The following CACNA2D3 variants were observed in gnomAD, a reference collection of about 807,000 sequenced individuals.
The protein encoded by CACNA2D3 is calcium voltage-gated channel auxiliary subunit alpha2delta 3, also known as voltage-dependent calcium channel subunit alpha-2/delta-3.
CACNA2D3 carries 60 observed loss-of-function variants against 160.6 expected under a neutral mutation model. That is an observed-to-expected ratio of 0.37 (90% CI 0.30 to 0.46). The LOEUF is 0.46. CACNA2D3 is among the 20% of genes least tolerant of loss of function. The pLI is 1.00. For synonymous variants in CACNA2D3, 558 were observed against 492.9 expected (o/e 1.13, Z -1.75); for missense variants, 1,205 against 1,365.0 (o/e 0.88, Z 1.85).
At chr3:54,441,725 T>G (rs904673203) in intron 4 of CACNA2D3, among the ~76,000 whole-genome samples, 1 of 152,214 alleles carries the variant, frequency 6.6e-6, no homozygotes, top group African/African-American at 2.4e-5. Flanking sequence ...ACAAATGTGT[T>G]CTAGTTCAAT....
chr3:54,862,701 G>T (rs1184036997), intron 17 of CACNA2D3, among the ~76,000 whole-genome samples: 1 of 152,100 alleles, frequency 6.6e-6, no homozygotes, highest in Non-Finnish European at 1.5e-5. Flanking sequence ...TGGAAATGGG[G>T]TGACAGGATA....
chr3:54,515,415 AAGTT>A (rs1701535063), intron 5 of CACNA2D3, among the ~76,000 whole-genome samples: 2 of 152,220 alleles, frequency 1.3e-5, no homozygotes, highest in East Asian at 1.9e-4. Context: ...GCCCATCTAC[AAGTT>A]AGTTGTTCAG....
At chr3:55,042,317 G>C (rs1703974468) in intron 35 of CACNA2D3, among the ~76,000 whole-genome samples, 1 of 151,920 alleles carries the variant, frequency 6.6e-6, no homozygotes. Flanking sequence ...TCATTATTTT[G>C]AAATCCTGTT....
At chr3:54,941,488 TC>T (rs1442006414) in intron 27 of CACNA2D3, among the ~76,000 whole-genome samples, 1 of 152,150 alleles carries the variant, frequency 6.6e-6, no homozygotes, top group Non-Finnish European at 1.5e-5. Context: ...GTTTTCCCCC[TC>T]CATTCATTGT....
In CACNA2D3 at chr3:54,134,467, CG is replaced by C. The variant is rs1347079787; in HGVS notation, c.204+10874del. 3.3e-5 allele frequency among the ~76,000 whole-genome samples: 5 copies of C among 152,242 alleles called. No individual in the cohort carries two copies. In the East Asian group the frequency reaches 9.6e-4, roughly 29 times the overall value. ...ACAGATAAACAAAGGGAGGAATAGC[CG>C]CCCAGCCTTTTCCCTGTCCTTGCAT... On this transcript the variant is annotated intron_variant, in intron 2 of 37. Coordinates refer to ENST00000474759, the MANE Select transcript of CACNA2D3 (RefSeq NM_018398.3).
intron 2 of CACNA2D3, among the ~76,000 whole-genome samples, chr3:54,267,455 C>T (rs1197925101): frequency 1.3e-5 from 2 of 152,130 alleles, no homozygotes; most frequent in African/African-American, 4.8e-5. Context: ...ATTCTCTCTT[C>T]CAGTCACTGA....
At chr3:55,040,746 A>T (rs902068197) in intron 35 of CACNA2D3, among the ~76,000 whole-genome samples, 1 of 152,144 alleles carries the variant, frequency 6.6e-6, no homozygotes, top group Non-Finnish European at 1.5e-5. Flanking sequence ...ACAATTTCTT[A>T]TACAGGAGGG....
chr3:54,995,373 G>C (rs1362271659), intron 31 of CACNA2D3, among the ~76,000 whole-genome samples: 1 of 152,194 alleles, frequency 6.6e-6, no homozygotes. Context: ...ACGACTTAAA[G>C]AACATAAGAG....
At chr3:54,500,388 T>G (rs1003642847) in intron 4 of CACNA2D3, among the ~76,000 whole-genome samples, 1 of 152,176 alleles carries the variant, frequency 6.6e-6, no homozygotes, top group Non-Finnish European at 1.5e-5. Flanking sequence ...TATTCCATGC[T>G]CATTCAAGGT....
chr3:54,489,821 A>G (rs1297712807), intron 4 of CACNA2D3, among the ~76,000 whole-genome samples: 1 of 152,318 alleles, frequency 6.6e-6, no homozygotes, highest in Admixed American at 6.5e-5. Context: ...GAAGAGGGCT[A>G]TTCATTACCT....
intron 4 of CACNA2D3, among the ~76,000 whole-genome samples, chr3:54,483,778 T>C (rs893153634): frequency 1.3e-5 from 2 of 152,238 alleles, no homozygotes; most frequent in African/African-American, 4.8e-5. Context: ...CCTTGACTTA[T>C]GACTTCTCAT....
chr3:55,062,658 G>C (rs1022966763), intron 35 of CACNA2D3, among the ~76,000 whole-genome samples: 2 of 152,160 alleles, frequency 1.3e-5, no homozygotes, highest in Non-Finnish European at 1.5e-5. Context: ...TGTAGAATTG[G>C]AGGCGTCTGT....
At chr3:54,181,272 T>G (rs1700777810) in intron 2 of CACNA2D3, among the ~76,000 whole-genome samples, 1 of 152,250 alleles carries the variant, frequency 6.6e-6, no homozygotes, top group African/African-American at 2.4e-5. Flanking sequence ...TTGCTGCTAT[T>G]AATCAAGATA....
intron 5 of CACNA2D3, among the ~76,000 whole-genome samples, chr3:54,536,690 A>C (rs917102277): frequency 2.0e-5 from 3 of 152,232 alleles, no homozygotes; most frequent in African/African-American, 7.2e-5. Context: ...CCAAAAGCAG[A>C]GAATGCCATG....
At chr3:54,257,766 A>G (rs1016080485) in intron 2 of CACNA2D3, among the ~76,000 whole-genome samples, 8 of 152,192 alleles carry the variant, frequency 5.3e-5, no homozygotes, top group East Asian at 1.9e-4. Flanking sequence ...CATGGTTGCA[A>G]TAGGCTAATT....
intron 3 of CACNA2D3, among the ~76,000 whole-genome samples, chr3:54,375,274 C>A (rs1698993880): frequency 6.6e-6 from 1 of 152,194 alleles, no homozygotes; most frequent in South Asian, 2.1e-4. Flanking sequence ...CTCTAATGTC[C>A]TTGAAGACAA....
chr3:54,141,190 C>A (rs1037132181), intron 2 of CACNA2D3, among the ~76,000 whole-genome samples: 1 of 151,868 alleles, frequency 6.6e-6, no homozygotes, highest in Non-Finnish European at 1.5e-5. Flanking sequence ...CAATGGCATA[C>A]TGGTAACCCT....
At chr3:54,302,664 T>C (rs551910443) in intron 2 of CACNA2D3, among the ~76,000 whole-genome samples, 7 of 152,306 alleles carry the variant, frequency 4.6e-5, no homozygotes, top group African/African-American at 1.7e-4. Flanking sequence ...CAAAGTCTGA[T>C]GAGGAAACCA....
chr3:54,485,967 G>T (rs564760831), intron 4 of CACNA2D3, among the ~76,000 whole-genome samples: 5 of 152,276 alleles, frequency 3.3e-5, no homozygotes, highest in South Asian at 4.1e-4. Context: ...TTTGCTTCCT[G>T]TCCTGTCCCT....
Sources: allele counts gnomAD v4.1 joint callset (sites outside exome capture counted in the v4.1 genomes callset), GRCh38; gene constraint gnomAD v4.1.1; transcripts MANE v1.5; gene names NCBI Gene and HGNC (gene_info 2026-07-23, HGNC 2026-07-21).